The following EXT2 variants were observed in gnomAD, a reference collection of about 807,000 sequenced individuals.
EXT2 encodes the protein exostosin-2.
EXT2 carries 53 observed loss-of-function variants against 81.6 expected under a neutral mutation model. That is an observed-to-expected ratio of 0.65 (90% CI 0.52 to 0.82). The LOEUF (loss-of-function observed/expected upper bound fraction) is 0.82, where lower values mean the gene tolerates loss of function less well. EXT2 is among the 40% of genes least tolerant of loss of function. The pLI, the probability that EXT2 is intolerant of heterozygous loss-of-function variation, is 0.00. For synonymous variants in EXT2, 320 were observed against 340.0 expected (o/e 0.94, Z 0.65); for missense variants, 774 against 910.2 (o/e 0.85, Z 1.93).
chr11:44,239,512 C>T (rs1389376934), intron 13 of EXT2, among the ~76,000 whole-genome samples: 2 of 151,180 alleles, frequency 1.3e-5, no homozygotes, highest in African/African-American at 4.9e-5. Flanking sequence ...CCTGCCTCCA[C>T]CTCCCGAGCA....
chr11:44,156,572 A>G (rs982560749), intron 7 of EXT2, among the ~76,000 whole-genome samples: 1 of 152,160 alleles, frequency 6.6e-6, no homozygotes, highest in African/African-American at 2.4e-5. Flanking sequence ...TTCAAAAATT[A>G]TTTCAATCTC....
At chr11:44,184,998 G>A (rs969008987) in intron 8 of EXT2, among the ~76,000 whole-genome samples, 1 of 152,124 alleles carries the variant, frequency 6.6e-6, no homozygotes, top group Non-Finnish European at 1.5e-5. Context: ...AATTCCCCAG[G>A]AGGATTCCCC....
chr11:44,115,418 G>A (rs888509790), intron 4 of EXT2, among the ~76,000 whole-genome samples: 4 of 152,054 alleles, frequency 2.6e-5, no homozygotes, highest in Non-Finnish European at 4.4e-5. Context: ...AGTATGTGAG[G>A]GAGTAAATGA....
chr11:44,233,223 T>A (rs1955920069), intron 11 of EXT2, among the ~76,000 whole-genome samples: 1 of 152,146 alleles, frequency 6.6e-6, no homozygotes, highest in Admixed American at 6.6e-5. Flanking sequence ...TGTCTGTTGG[T>A]TTCAGGATTG....
intron 10 of EXT2, 27 bp downstream of exon 10, chr11:44,206,986 A>G (rs371357497): frequency 1.4e-5 from 22 of 1,604,462 alleles, no homozygotes; most frequent in South Asian, 2.2e-5. Flanking sequence ...CAGTGTGTTT[A>G]TATGTTTAAT....
At chr11:44,145,139 TGAG>T (rs1954699815) in intron 7 of EXT2, among the ~76,000 whole-genome samples, 1 of 152,016 alleles carries the variant, frequency 6.6e-6, no homozygotes, top group Non-Finnish European at 1.5e-5. Context: ...GGTTCTTGCC[TGAG>T]GAGCAGAAGT....
intron 10 of EXT2, among the ~76,000 whole-genome samples, chr11:44,223,190 A>G (rs1237372737): frequency 6.6e-6 from 1 of 152,244 alleles, no homozygotes; most frequent in African/African-American, 2.4e-5. Context: ...GAAATATAAA[A>G]TGGTATAGCC....
intron 2 of EXT2, 22 bp from the exon 3 acceptor site, chr11:44,109,172 T>C (rs760364774): frequency 6.2e-7 from 1 of 1,612,498 alleles, no homozygotes; most frequent in African/African-American, 1.3e-5. Flanking sequence ...TTAATTCTCC[T>C]ACATTTTAAA....
chr11:44,118,952 T>G (rs1057151047), intron 4 of EXT2, among the ~76,000 whole-genome samples: 1 of 151,432 alleles, frequency 6.6e-6, no homozygotes, highest in Non-Finnish European at 1.5e-5. Flanking sequence ...TCTTTTTCTC[T>G]TTTTTTCCTC....
At chr11:44,200,130 G>A (rs1269288867) in intron 9 of EXT2, among the ~76,000 whole-genome samples, 7 of 149,942 alleles carry the variant, frequency 4.7e-5, no homozygotes, top group South Asian at 2.1e-4. Context: ...TTCACGTACA[G>A]CATTAGTAAC....
intron 8 of EXT2, among the ~76,000 whole-genome samples, chr11:44,192,313 G>A (rs1246082394): frequency 2.1e-5 from 2 of 97,104 alleles, no homozygotes; most frequent in East Asian, 5.7e-4. Flanking sequence ...CACCTATGGA[G>A]TACCTTTCAT....
intron 7 of EXT2, among the ~76,000 whole-genome samples, chr11:44,130,994 C>T (rs1221700280): frequency 2.6e-5 from 4 of 152,320 alleles, no homozygotes; most frequent in South Asian, 2.1e-4. Flanking sequence ...ATGGGGACAG[C>T]GCATCTGCCT....
At chr11:44,144,346 G>A (rs769677950) in intron 7 of EXT2, 1 of 1,596,086 alleles carries the variant, frequency 6.3e-7, no homozygotes, top group South Asian at 1.1e-5. Flanking sequence ...ACAGGCATGG[G>A]TGACTTAGAA....
chr11:44,198,065 C>A, intron 9 of EXT2, 47 bp downstream of exon 9: 1 of 1,570,074 alleles, frequency 6.4e-7, no homozygotes, highest in Non-Finnish European at 8.8e-7. Context: ...TTTGGATGGC[C>A]AAATTATTCA....
At chr11:44,120,941 T>G (rs868236797) in intron 4 of EXT2, among the ~76,000 whole-genome samples, 1 of 152,358 alleles carries the variant, frequency 6.6e-6, no homozygotes, top group African/African-American at 2.4e-5. Flanking sequence ...CTATAGCTAG[T>G]CATTTTAGTC....
At chr11:44,143,054 C>T (rs1020711331) in intron 7 of EXT2, among the ~76,000 whole-genome samples, 3 of 152,178 alleles carry the variant, frequency 2.0e-5, no homozygotes, top group African/African-American at 7.2e-5. Flanking sequence ...CAGGTTCGAG[C>T]GATTCTCCTG....
chr11:44,164,207 T>C (rs1954962992), intron 7 of EXT2, among the ~76,000 whole-genome samples: 1 of 152,216 alleles, frequency 6.6e-6, no homozygotes, highest in African/African-American at 2.4e-5. Flanking sequence ...CTGTTTTTTA[T>C]ATTATCCATC....
rs1194348744 is a variant in EXT2 at position 44,232,352 on chromosome 11, G to C, written c.1663-1G>C. The C allele has an allele frequency of 6.2e-7, 1 of 1,613,686 alleles. No homozygotes were observed. Among genetic ancestry groups the C allele is most frequent in the African/African-American group, 1.3e-5 (1 of 74,866 alleles). ...GATTGTTATTATGTGTCTGTCCTTAGGTCTGGCGGGAATTTCCTGACCGGT... is the reference window on the plus strand; with the variant it reads ...GATTGTTATTATGTGTCTGTCCTTACGTCTGGCGGGAATTTCCTGACCGGT... On this transcript the variant is annotated splice_acceptor_variant, in intron 10 of 13. Coordinates refer to ENST00000533608, the MANE Select transcript of EXT2 (RefSeq NM_207122.2). LOFTEE classifies it high-confidence loss of function.
intron 4 of EXT2, among the ~76,000 whole-genome samples, chr11:44,119,230 AG>A (rs1321219501): frequency 1.4e-5 from 2 of 147,704 alleles, no homozygotes; most frequent in Middle Eastern, 3.2e-3. Flanking sequence ...TGTGTGTCAG[AG>A]GGTCCTGAAG....
Sources: allele counts gnomAD v4.1 joint callset (sites outside exome capture counted in the v4.1 genomes callset), GRCh38; gene constraint gnomAD v4.1.1; transcripts MANE v1.5; gene names NCBI Gene and HGNC (gene_info 2026-07-23, HGNC 2026-07-21).